ZBTB20: variants seen among roughly 807,000 people sequenced by gnomAD.
The protein encoded by ZBTB20 is zinc finger and BTB domain-containing protein 20.
A neutral mutation model predicts 56.9 loss-of-function variants in ZBTB20; 9 were observed. The ratio of observed to expected loss-of-function variants is 0.16; its 90% CI spans 0.10 to 0.28. ZBTB20 has a LOEUF of 0.28. Among genes scored for constraint, ZBTB20 ranks in the 10% least tolerant of loss-of-function variants. The pLI is 1.00. For synonymous variants in ZBTB20, 417 were observed against 420.7 expected, an observed-to-expected ratio of 0.99 and a Z score of 0.11; for missense variants, 655 against 1,003.0, an observed-to-expected ratio of 0.65 and a Z score of 4.69.
chr3:114,424,454 C>T (rs1416129115), intron 7 of ZBTB20, among the ~76,000 whole-genome samples: 1 of 152,190 alleles, frequency 6.6e-6, no homozygotes. Flanking sequence ...TTCATTTAGC[C>T]AATTAGTCCT....
rs80113066 is a variant in ZBTB20, at chr3:114,506,617, C to T, written c.-294-6226G>A. Among the ~76,000 whole-genome samples, 1,384 of 152,238 alleles carry T rather than the reference C, an allele frequency of 9.1e-3. 23 individuals are homozygous for T. The highest frequency in any genetic ancestry group is 0.032 in the African/African-American group (1,309 of 41,542). ...ACTTTCTCTTCTATATCTTAAACTA[C>T]TGAAATTGTAGCTCTATAAATTCCA... is the stretch of plus-strand genomic sequence containing the variant. On this transcript the variant is annotated intron_variant, in intron 6 of 11. Transcript: ENST00000675478.
intron 6 of ZBTB20, among the ~76,000 whole-genome samples, chr3:114,632,510 G>A (rs897160216): frequency 2.0e-5 from 3 of 152,006 alleles, no homozygotes; most frequent in Admixed American, 6.6e-5. Flanking sequence ...TTAACCTGTC[G>A]GCTGTTCTTA....
At chr3:114,818,738 GA>G (rs577430866) in intron 4 of ZBTB20, among the ~76,000 whole-genome samples, 19 of 151,272 alleles carry the variant, frequency 1.3e-4, no homozygotes, top group Non-Finnish European at 1.9e-4. Flanking sequence ...CCTTAAATAT[GA>G]AAAAAAACTA....
chr3:114,739,139 A>G lies in ZBTB20; in HGVS notation c.-342-45564T>C, dbSNP rs185401038. ...GAATGGGCCATACCTGGGTGGTTTT[A>G]AGAGGTGCTGCTATAATGAAAAATC... On this transcript the variant is annotated intron_variant, in intron 5 of 11. Coordinates refer to ENST00000675478, the MANE Select transcript of ZBTB20 (RefSeq NM_001348800.3). Among the ~76,000 whole-genome samples the G allele has an allele frequency of 6.7e-3, 1,020 of 152,284 alleles. 17 individuals carry two copies. Among genetic ancestry groups the G allele is most frequent in the South Asian group, 0.052 (252 of 4,818 alleles).
In ZBTB20 at chr3:115,112,381, C is replaced by A. The variant is rs191927717; in HGVS notation, c.-703+34838G>T. The stretch of plus-strand genomic sequence containing the variant: ...AATATTTTTATTAACTACAGTCACC[C>A]TACTCTGCTATTGAACATTAGAACT... On this transcript the variant is annotated intron_variant, in intron 1 of 11. Transcript: ENST00000675478. 5.3e-5 allele frequency among the ~76,000 whole-genome samples: 8 copies of A among 152,112 alleles called. No individual in the cohort carries two copies. The East Asian group carries it at 1.5e-3, about 29-fold the overall frequency.
chr3:114,343,926 G>A (rs2079987847), intron 11 of ZBTB20, among the ~76,000 whole-genome samples: 1 of 152,234 alleles, frequency 6.6e-6, no homozygotes. Context: ...GTGGGCGCCT[G>A]TAATCCCAGC....
chr3:114,479,775 A>C (rs780453384), intron 7 of ZBTB20, among the ~76,000 whole-genome samples: 19 of 152,242 alleles, frequency 1.2e-4, no homozygotes, highest in Non-Finnish European at 2.2e-4. Flanking sequence ...TCATAATGGC[A>C]GGTAACAGAC....
At chr3:114,823,484 A>G (rs2073362424) in intron 4 of ZBTB20, among the ~76,000 whole-genome samples, 1 of 152,094 alleles carries the variant, frequency 6.6e-6, no homozygotes, top group South Asian at 2.1e-4. Flanking sequence ...AAAGAACTCT[A>G]TGAAAGAGAA....
At chr3:115,014,093 G>C (rs924329364) in intron 2 of ZBTB20, among the ~76,000 whole-genome samples, 1 of 151,696 alleles carries the variant, frequency 6.6e-6, no homozygotes, top group Non-Finnish European at 1.5e-5. Flanking sequence ...TAAACAGAAT[G>C]AGATCCTGTC....
chr3:114,369,272 A>C (rs1036000968), intron 10 of ZBTB20, among the ~76,000 whole-genome samples: 1 of 152,196 alleles, frequency 6.6e-6, no homozygotes, highest in Non-Finnish European at 1.5e-5. Flanking sequence ...TCTTTGGTCT[A>C]ATATCTTGGT....
rs544667651 is a variant in ZBTB20 at position 114,953,034 on chromosome 3, C to T, written c.-456+21332G>A. Among the ~76,000 whole-genome samples, 105 of 152,106 alleles carry T rather than the reference C, an allele frequency of 6.9e-4. 1 individual carries two copies. Among genetic ancestry groups the T allele is most frequent in the Admixed American group, 7.2e-4 (11 of 15,258 alleles). ...AAAATTACAACATTATCTGACGGGG[C>T]TTCCAATGTATGTAGATATAATATA... is the stretch of plus-strand genomic sequence containing the variant. On this transcript the variant is annotated intron_variant, in intron 3 of 11. Transcript: ENST00000675478.
rs1442616468 is a variant in ZBTB20, at chr3:114,925,630, A to C, written c.-455-25288T>G. 4.6e-5 allele frequency among the ~76,000 whole-genome samples: 7 copies of C among 151,882 alleles called. No individual in the cohort carries two copies. The East Asian group carries it at 1.4e-3, about 30-fold the overall frequency. ...CAACCTCTGCCTCCTGGGTTCACAC[A>C]ATTCTCCTGCCTCAGCCTCCCGAGC... On this transcript the variant is annotated intron_variant, in intron 3 of 11. Coordinates refer to ENST00000675478, the MANE Select transcript of ZBTB20 (RefSeq NM_001348800.3).
At chr3:114,450,743 T>G (rs978194328) in intron 7 of ZBTB20, among the ~76,000 whole-genome samples, 12 of 152,140 alleles carry the variant, frequency 7.9e-5, no homozygotes, top group Non-Finnish European at 1.0e-4. Flanking sequence ...ATTTTTCTTT[T>G]GCTAACTAAA....
At chr3:114,937,187 C>G (rs540882101) in intron 3 of ZBTB20, among the ~76,000 whole-genome samples, 1 of 152,134 alleles carries the variant, frequency 6.6e-6, no homozygotes, top group African/African-American at 2.4e-5. Flanking sequence ...CTTGAGGAAT[C>G]GCCACACTGT....
At chr3:114,432,922 A>G (rs542485735) in intron 7 of ZBTB20, among the ~76,000 whole-genome samples, 1 of 152,246 alleles carries the variant, frequency 6.6e-6, no homozygotes, top group South Asian at 2.1e-4. Flanking sequence ...AGATCATACG[A>G]ACCTAACCTA....
intron 6 of ZBTB20, among the ~76,000 whole-genome samples, chr3:114,652,663 T>C (rs1341404023): frequency 1.3e-5 from 2 of 152,020 alleles, no homozygotes; most frequent in Non-Finnish European, 2.9e-5. Context: ...TTCTAAGTTT[T>C]CTGCAATCTC....
At chr3:114,809,817 C>G (rs1384780369) in intron 4 of ZBTB20, among the ~76,000 whole-genome samples, 1 of 152,172 alleles carries the variant, frequency 6.6e-6, no homozygotes, top group East Asian at 1.9e-4. Flanking sequence ...TACAGCAACT[C>G]TGGCTTCTGA....
intron 1 of ZBTB20, among the ~76,000 whole-genome samples, chr3:115,128,151 A>C (rs1203778678): frequency 6.6e-6 from 1 of 152,250 alleles, no homozygotes; most frequent in East Asian, 1.9e-4. Flanking sequence ...GAGTAACATT[A>C]GTATTATTGA....
intron 4 of ZBTB20, among the ~76,000 whole-genome samples, chr3:114,806,437 G>T (rs1030463127): frequency 6.6e-6 from 1 of 151,804 alleles, no homozygotes; most frequent in Non-Finnish European, 1.5e-5. Context: ...TTTTTAGCTG[G>T]GTTGCTTGTC....
Sources: allele counts gnomAD v4.1 joint callset (sites outside exome capture counted in the v4.1 genomes callset), GRCh38; gene constraint gnomAD v4.1.1; transcripts MANE v1.5; gene names NCBI Gene and HGNC (gene_info 2026-07-23, HGNC 2026-07-21).